TMEM156: variants seen among roughly 807,000 people sequenced by gnomAD.
TMEM156 encodes the protein transmembrane protein 156.
TMEM156 carries 28 observed loss-of-function variants against 30.5 expected under a neutral mutation model. That is an observed-to-expected ratio of 0.92 (90% CI 0.68 to 1.26). The LOEUF is 1.26. Ranked by LOEUF, TMEM156 falls within the 50% of genes most tolerant of loss-of-function variation. The probability of loss-of-function intolerance (pLI) is 0.00; values close to 1 mark genes in which losing one functional copy is unlikely to be tolerated. For missense variants in TMEM156, 351 were observed against 340.6 expected, an observed-to-expected ratio of 1.03 and a Z score of -0.24; for synonymous variants, 137 against 119.9, an observed-to-expected ratio of 1.14 and a Z score of -0.93.
chr4:38,976,386 A>G (rs1722854455), intron 5 of TMEM156, among the ~76,000 whole-genome samples: 1 of 151,602 alleles, frequency 6.6e-6, no homozygotes. Context: ...CTGGGACCTG[A>G]GGACAGCCTC....
intron 1 of TMEM156, among the ~76,000 whole-genome samples, chr4:39,027,561 T>TG (rs1431876939): frequency 8.5e-4 from 121 of 142,104 alleles, no homozygotes; most frequent in African/African-American, 3.0e-3. Flanking sequence ...CTTTTTTTTT[T>TG]TTTTTTTTTT....
intron 1 of TMEM156, among the ~76,000 whole-genome samples, chr4:39,010,315 A>G (rs1714022816): frequency 6.6e-6 from 1 of 152,250 alleles, no homozygotes; most frequent in Non-Finnish European, 1.5e-5. Context: ...TAAAGCATCC[A>G]TACTGCCCAA....
chr4:38,975,014 G>T (rs1029627545), intron 5 of TMEM156, among the ~76,000 whole-genome samples: 1 of 152,038 alleles, frequency 6.6e-6, no homozygotes, highest in African/African-American at 2.4e-5. Flanking sequence ...TGTTTAAGGG[G>T]CAGGAATAAA....
chr4:38,973,433 T>C (rs73137758), intron 5 of TMEM156, among the ~76,000 whole-genome samples: 1,790 of 152,306 alleles, frequency 0.012, 32 homozygotes, highest in African/African-American at 0.042. Flanking sequence ...TGCAAATTTC[T>C]TACTAAGTTT....
Position 38,967,519 on chromosome 4 carries a change from C to T in TMEM156, c.*161G>A, listed in dbSNP as rs1252872762. On this transcript the variant is annotated 3_prime_UTR_variant, in exon 7 of 7. Coordinates refer to ENST00000381938, the MANE Select transcript of TMEM156 (RefSeq NM_024943.3). ...AAGCTAGTTTTCATCAACCAGTCAG[C>T]ATTCCTCCTGCTTTCCAACTGTGCA... The T allele has an allele frequency of 2.6e-5, 4 of 152,204 alleles. No individual in the cohort carries two copies. Among genetic ancestry groups the T allele is most frequent in the African/African-American group, 9.6e-5 (4 of 41,462 alleles). 9.4% of individuals were successfully genotyped at this position (152,204 alleles called of 1,614,324 possible). A position where few individuals can be genotyped will look rare whatever the true frequency, so the allele number is the denominator to read the frequency against.
intron 1 of TMEM156, among the ~76,000 whole-genome samples, chr4:39,031,837 T>G (rs1195445099): frequency 7.5e-6 from 1 of 132,858 alleles, no homozygotes; most frequent in African/African-American, 3.0e-5. Context: ...GAGCCAAGAT[T>G]AGGCCATTGC....
At chr4:39,015,732 A>G (rs909334302) in intron 1 of TMEM156, among the ~76,000 whole-genome samples, 1 of 152,184 alleles carries the variant, frequency 6.6e-6, no homozygotes, top group Non-Finnish European at 1.5e-5. Context: ...CTTGAATTGT[A>G]GCTCTCATAA....
chr4:39,005,971 C>T (rs542602389), intron 1 of TMEM156, among the ~76,000 whole-genome samples: 2 of 152,320 alleles, frequency 1.3e-5, no homozygotes, highest in South Asian at 4.1e-4. Flanking sequence ...TCTCGGCTCA[C>T]TGCAACCTCT....
At chr4:38,990,663 A>G (rs1240267063) in intron 3 of TMEM156, among the ~76,000 whole-genome samples, 1 of 152,042 alleles carries the variant, frequency 6.6e-6, no homozygotes, top group Admixed American at 6.6e-5. Context: ...GGGGAAACAG[A>G]CAGAAATCTG....
intron 5 of TMEM156, among the ~76,000 whole-genome samples, chr4:38,982,488 A>G (rs1157430982): frequency 6.6e-6 from 1 of 152,106 alleles, no homozygotes; most frequent in African/African-American, 2.4e-5. Context: ...ATGCCCTGTA[A>G]TTACTCTGTC....
At chr4:38,998,543 C>CAAAA (rs199767864) in intron 2 of TMEM156, 97 bp downstream of exon 2, 12,697 of 950,358 alleles carry the variant, frequency 0.013, 5 homozygotes, top group East Asian at 0.03. Flanking sequence ...GACTCCATCT[C>CAAAA]AAAAAAAAAA....
At chr4:39,019,033 C>CAA (rs869141514) in intron 1 of TMEM156, among the ~76,000 whole-genome samples, 2 of 19,370 alleles carry the variant, frequency 1.0e-4, no homozygotes, top group Non-Finnish European at 2.2e-4. Context: ...AAAAACAAAA[C>CAA]AAAAAAAAAA....
At chr4:38,974,962 C>G (rs1030148638) in intron 5 of TMEM156, among the ~76,000 whole-genome samples, 1 of 151,908 alleles carries the variant, frequency 6.6e-6, no homozygotes, top group African/African-American at 2.4e-5. Context: ...CATGAGCCAC[C>G]GCGCCTGATC....
At chr4:39,011,385 T>A (rs981453697) in intron 1 of TMEM156, among the ~76,000 whole-genome samples, 2 of 152,208 alleles carry the variant, frequency 1.3e-5, no homozygotes, top group African/African-American at 4.8e-5. Flanking sequence ...GACCGAGTAA[T>A]CTTATTATTG....
chr4:39,010,885 A>C (rs1417981738), intron 1 of TMEM156, among the ~76,000 whole-genome samples: 1 of 152,178 alleles, frequency 6.6e-6, no homozygotes, highest in Non-Finnish European at 1.5e-5. Flanking sequence ...CTCAAAAGCA[A>C]ACGCAACACA....
In TMEM156 at chr4:38,992,682, T is replaced by TA. The variant is rs374942430; in HGVS notation, c.619+1055_619+1056insT. Among the ~76,000 whole-genome samples the TA allele has an allele frequency of 9.7e-3, 441 of 45,422 alleles. 4 individuals are homozygous for TA. The highest frequency in any genetic ancestry group is 0.029 in the African/African-American group (399 of 13,882). 29.8% of individuals were successfully genotyped at this position (45,422 alleles called of 152,430 possible). Reference sequence around the variant, plus strand: ...ATGTGCTACATATATATATAATATATTATATAATATATTATATAATATATA... The same window carrying TA: ...ATGTGCTACATATATATATAATATATATATATAATATATTATATAATATATA... On this transcript the variant is annotated intron_variant, in intron 3 of 6. Transcript: ENST00000381938.
chr4:38,990,442 G>A (rs986596455), intron 3 of TMEM156, among the ~76,000 whole-genome samples: 10 of 152,220 alleles, frequency 6.6e-5, no homozygotes, highest in Non-Finnish European at 1.0e-4. Flanking sequence ...CACTGGCAGT[G>A]CCAGCAACGA....
chr4:39,004,380 CT>C (rs1224596814), intron 1 of TMEM156, among the ~76,000 whole-genome samples: 1 of 151,998 alleles, frequency 6.6e-6, no homozygotes, highest in African/African-American at 2.4e-5. Flanking sequence ...TCTTTTTAAA[CT>C]TTTATTATAA....
intron 1 of TMEM156, among the ~76,000 whole-genome samples, chr4:39,004,623 A>C (rs546534686): frequency 2.0e-5 from 3 of 152,128 alleles, no homozygotes; most frequent in African/African-American, 7.2e-5. Context: ...TGTTTTAGTC[A>C]TGTTGATACA....
Sources: allele counts gnomAD v4.1 joint callset (sites outside exome capture counted in the v4.1 genomes callset), GRCh38; gene constraint gnomAD v4.1.1; transcripts MANE v1.5; gene names NCBI Gene and HGNC (gene_info 2026-07-23, HGNC 2026-07-21).